The following LIPH variants were observed in gnomAD, a reference collection of about 807,000 sequenced individuals.
LIPH encodes the protein lipase member H.
A neutral mutation model predicts 47.6 loss-of-function variants in LIPH; 32 were observed. The ratio of observed to expected loss-of-function variants is 0.67; its 90% confidence interval spans 0.51 to 0.90. LIPH has a LOEUF of 0.90. Among genes scored for constraint, LIPH ranks in the 40% least tolerant of loss-of-function variants. The pLI, the probability that LIPH is intolerant of heterozygous loss-of-function variation, is 0.00. For synonymous variants in LIPH, 190 were observed against 195.6 expected (o/e 0.97, Z 0.24); for missense variants, 497 against 541.4 (o/e 0.92, Z 0.81).
At position 185,534,962 on chromosome 3, in the gene LIPH, T is replaced by C. The variant is rs1390079359; in HGVS notation, c.220A>G (p.Ile74Val). 6.2e-7 allele frequency: 1 copy of C among 1,613,922 alleles called. No homozygotes were observed. The highest frequency in any genetic ancestry group is 2.2e-5 in the East Asian group (1 of 44,882). Residue 74 changes from isoleucine (I) to valine (V), a missense_variant, in exon 2 of 10, where the codon ATT (isoleucine) becomes GTT (valine). Coordinates refer to ENST00000296252, the MANE Select transcript of LIPH (RefSeq NM_139248.3). ...NLNVTKKTTFIVHGFRPTGSP... is the reference protein window; with the variant it reads ...NLNVTKKTTFVVHGFRPTGSP... ...CCTGTTGGCCTGAATCCATGGACAATGAAGGTGGTTTTCTTGGTCACATTC... is the reference window on the plus strand; with the variant it reads ...CCTGTTGGCCTGAATCCATGGACAACGAAGGTGGTTTTCTTGGTCACATTC...
chr3:185,515,092 G>C (rs1719685904), intron 7 of LIPH, among the ~76,000 whole-genome samples: 1 of 152,110 alleles, frequency 6.6e-6, no homozygotes, highest in Non-Finnish European at 1.5e-5. Context: ...CTGACCCCCA[G>C]ACTAAGTCAG....
At chr3:185,510,185 G>A (rs550703614) in intron 9 of LIPH, among the ~76,000 whole-genome samples, 2 of 152,198 alleles carry the variant, frequency 1.3e-5, no homozygotes, top group Admixed American at 6.6e-5. Context: ...CTGACCTCAG[G>A]TGATCCGCCC....
rs1429359819 is a variant in LIPH, at chr3:185,546,854, C to T, written c.49+5569G>A. 9 of 427,946 alleles carry T rather than the reference C, an allele frequency of 2.1e-5. No individual in the cohort carries two copies. In the Admixed American group the frequency reaches 2.7e-4, roughly 13 times the overall value. The allele number at this position is 427,946 out of a possible 1,614,324, so 26.5% of individuals were successfully genotyped here. ...AAAAGCCTGTGCTGTCTCAGCTACACACTCAGCTCTGGCTTCTTCTACCTC... is the reference window on the plus strand; with the variant it reads ...AAAAGCCTGTGCTGTCTCAGCTACATACTCAGCTCTGGCTTCTTCTACCTC... On this transcript the variant is annotated intron_variant, in intron 1 of 9. Transcript: ENST00000296252.
intron 9 of LIPH, among the ~76,000 whole-genome samples, chr3:185,510,255 CT>C (rs1271094290): frequency 6.6e-6 from 1 of 152,098 alleles, no homozygotes; most frequent in East Asian, 1.9e-4. Context: ...AGTCCCTAAA[CT>C]TTTAAGAAAA....
chr3:185,509,592 T>C (rs1446234968), intron 9 of LIPH, among the ~76,000 whole-genome samples: 108 of 152,110 alleles, frequency 7.1e-4, no homozygotes, highest in African/African-American at 2.5e-3. Context: ...AACGCGCTAC[T>C]ACTGTACTCC....
chr3:185,512,839 A>G (rs532041523), intron 8 of LIPH, among the ~76,000 whole-genome samples: 1 of 152,122 alleles, frequency 6.6e-6, no homozygotes, highest in Admixed American at 6.5e-5. Context: ...GGTATCTGTC[A>G]CCCCACTGGG....
rs1719592254 is a variant in LIPH at position 185,512,340 on chromosome 3, T to C, written c.1095-643A>G. On this transcript the variant is annotated intron_variant, in intron 8 of 9. Transcript: ENST00000296252. ...AGTCTGATCCTGTTATCCAAGTGTA[T>C]AGAGATGTTTTCTATAGGTGGAAAA... Among the ~76,000 whole-genome samples, 2 of 152,110 alleles carry C rather than the reference T, an allele frequency of 1.3e-5. 1 individual carries two copies. The highest frequency in any genetic ancestry group is 4.8e-5 in the African/African-American group (2 of 41,402).
chr3:185,550,368 C>T (rs1390218000), intron 1 of LIPH, among the ~76,000 whole-genome samples: 1 of 152,038 alleles, frequency 6.6e-6, no homozygotes, highest in Non-Finnish European at 1.5e-5. Context: ...TGACAGTCTT[C>T]TAGAATCTAG....
At chr3:185,521,449 C>T (rs7619267) in intron 5 of LIPH, among the ~76,000 whole-genome samples, 148,929 of 152,280 alleles carry the variant, frequency 0.98, 72,913 homozygotes, top group East Asian at 1. Flanking sequence ...TAACTGGAAG[C>T]CTGGTTCTTA....
intron 8 of LIPH, among the ~76,000 whole-genome samples, chr3:185,513,806 C>T (rs1178031788): frequency 2.6e-5 from 4 of 152,072 alleles, no homozygotes; most frequent in African/African-American, 9.7e-5. Context: ...TTTGGGAAGC[C>T]GAGGCGGGCA....
At chr3:185,520,848 A>T (rs920385821) in intron 5 of LIPH, among the ~76,000 whole-genome samples, 10 of 150,392 alleles carry the variant, frequency 6.6e-5, no homozygotes, top group African/African-American at 2.4e-4. Context: ...TCACTATTAG[A>T]TCTAATCAAG....
At chr3:185,529,806 C>CT (rs1560164919) in intron 3 of LIPH, among the ~76,000 whole-genome samples, 1 of 151,384 alleles carries the variant, frequency 6.6e-6, no homozygotes, top group African/African-American at 2.4e-5. Flanking sequence ...AGAAGGATCA[C>CT]TTGAGCCCAG....
At chr3:185,538,864 C>T (rs1171224605) in intron 1 of LIPH, among the ~76,000 whole-genome samples, 1 of 145,702 alleles carries the variant, frequency 6.9e-6, no homozygotes, top group Non-Finnish European at 1.5e-5. Flanking sequence ...TACATATATA[C>T]ATATATACAC....
intron 3 of LIPH, among the ~76,000 whole-genome samples, chr3:185,528,755 G>A (rs1458013880): frequency 4.6e-5 from 7 of 152,040 alleles, no homozygotes; most frequent in Admixed American, 2.0e-4. Flanking sequence ...TGCCTAAACC[G>A]GTTTCTCACC....
intron 6 of LIPH, among the ~76,000 whole-genome samples, chr3:185,517,583 T>C (rs1363707476): frequency 1.3e-5 from 2 of 152,194 alleles, no homozygotes; most frequent in African/African-American, 4.8e-5. Flanking sequence ...CTAAATTGCA[T>C]AGACCTGGGC....
intron 5 of LIPH, 35 bp from the exon 6 acceptor site, chr3:185,519,344 G>A (rs764467370): frequency 1.2e-5 from 18 of 1,447,906 alleles, no homozygotes; most frequent in Admixed American, 8.4e-5. Context: ...AGAGTAGAGC[G>A]GTTGAAGCAT....
intron 1 of LIPH, among the ~76,000 whole-genome samples, chr3:185,549,814 C>T (rs910740779): frequency 1.5e-4 from 23 of 152,232 alleles, no homozygotes; most frequent in Middle Eastern, 3.4e-3. Context: ...CCCACCTCGG[C>T]CTCCCCAAGT....
chr3:185,552,015 T>C (rs76755993), intron 1 of LIPH, among the ~76,000 whole-genome samples: 7,279 of 152,042 alleles, frequency 0.048, 285 homozygotes, highest in East Asian at 0.24. Context: ...AACCAACCCT[T>C]GATATATTAA....
At chr3:185,544,655 G>A (rs748813748) in intron 1 of LIPH, among the ~76,000 whole-genome samples, 14 of 152,088 alleles carry the variant, frequency 9.2e-5, no homozygotes, top group Non-Finnish European at 2.1e-4. Context: ...GAGCCTGGGC[G>A]AGAATTTTCT....
Sources: gnomAD v4.1 joint callset for allele counts (sites outside exome capture counted in the v4.1 genomes callset) on GRCh38, gnomAD v4.1.1 for gene constraint, MANE v1.5 for transcripts, NCBI Gene and HGNC (gene_info 2026-07-23, HGNC 2026-07-21) for gene names.